Variants in TRIP12 observed in about 807,000 individuals in gnomAD.
TRIP12 encodes E3 ubiquitin-protein ligase TRIP12.
TRIP12 carries 25 observed loss-of-function variants against 244.2 expected under a neutral mutation model. The ratio of observed to expected loss-of-function variants is 0.10; its 90% CI spans 0.07 to 0.14. The LOEUF (loss-of-function observed/expected upper bound fraction) is 0.14, where lower values mean the gene tolerates loss of function less well. TRIP12 is among the 10% of genes least tolerant of loss of function. TRIP12 has a pLI of 1.00. For missense variants in TRIP12, 1,677 were observed against 2,486.4 expected (o/e 0.67, Z 6.92); for synonymous variants, 905 against 873.1 (o/e 1.04, Z -0.64).
intron 8 of TRIP12, among the ~76,000 whole-genome samples, chr2:229,822,873 AAG>A (rs1227325617): frequency 2.0e-5 from 3 of 152,216 alleles, no homozygotes; most frequent in African/African-American, 7.2e-5. Flanking sequence ...GGCATCTATA[AAG>A]AGAATCAAAA....
chr2:229,913,428 C>G (rs1343913613), intron 1 of TRIP12, among the ~76,000 whole-genome samples: 2 of 152,156 alleles, frequency 1.3e-5, no homozygotes, highest in Non-Finnish European at 2.9e-5. Flanking sequence ...TATATTCTGT[C>G]AAGCACAATT....
Position 229,792,717 on chromosome 2 carries a change from T to C in TRIP12, c.4141+256A>G, listed in dbSNP as rs554712867. ...TATGAAGCAGAAAGGTCTAAGAAAA[T>C]TGCCAAACACAAAATGTCATTTCTA... On this transcript the variant is annotated intron_variant, in intron 27 of 41. Coordinates refer to ENST00000675903, the MANE Select transcript of TRIP12 (RefSeq NM_001348323.3). Among the ~76,000 whole-genome samples, 11 of 152,208 alleles carry C rather than the reference T, an allele frequency of 7.2e-5. No homozygotes were observed. The South Asian group carries it at 2.3e-3, about 32-fold the overall frequency.
At chr2:229,781,697 T>G (rs2038221653) in intron 34 of TRIP12, among the ~76,000 whole-genome samples, 1 of 152,236 alleles carries the variant, frequency 6.6e-6, no homozygotes, top group Non-Finnish European at 1.5e-5. Context: ...GAGCCCACAC[T>G]GTGACCTGAC....
At chr2:229,882,902 G>A (rs2065175009) in intron 1 of TRIP12, among the ~76,000 whole-genome samples, 1 of 152,198 alleles carries the variant, frequency 6.6e-6, no homozygotes, top group African/African-American at 2.4e-5. Flanking sequence ...TAATTCTTGA[G>A]ATATAAGAGG....
intron 1 of TRIP12, among the ~76,000 whole-genome samples, chr2:229,915,260 A>C (rs2075160580): frequency 1.3e-5 from 2 of 152,266 alleles, no homozygotes; most frequent in South Asian, 4.1e-4. Flanking sequence ...CTCAAAAAAA[A>C]AACTTATTTA....
rs758623831 is a variant in TRIP12 at position 229,767,790 on chromosome 2, T to TA, written c.6008-41dup. 7 of 1,570,346 alleles carry TA rather than the reference T, an allele frequency of 4.5e-6. No homozygotes were observed. In the Admixed American group the frequency reaches 9.5e-5, roughly 21 times the overall value. The stretch of plus-strand genomic sequence containing the variant: ...AAGAAAGACAAGGAACTTAAGTTTT[T>TA]AAAAAACATCAGCTATCAGAAAACA... On this transcript the variant is annotated intron_variant, in intron 41 of 41. Transcript: ENST00000675903.
At chr2:229,895,482 CCTAA>C (rs1056689564) in intron 1 of TRIP12, among the ~76,000 whole-genome samples, 34 of 150,036 alleles carry the variant, frequency 2.3e-4, no homozygotes, top group African/African-American at 7.4e-4. Flanking sequence ...ATGCAAGGGA[CCTAA>C]CTGAGCTCAA....
intron 1 of TRIP12, among the ~76,000 whole-genome samples, chr2:229,888,864 T>TA (rs1338600484): frequency 6.0e-5 from 9 of 150,460 alleles, no homozygotes; most frequent in Non-Finnish European, 1.0e-4. Context: ...AAGGAGAGGG[T>TA]ATAAGGTAAG....
rs1281972863 is a variant in TRIP12, at chr2:229,830,830, G to C, written c.1280C>G (p.Ser427Cys). The change falls in exon 7 of 42, where the codon TCT (serine) becomes TGT (cysteine). Residue 427 changes from serine to cysteine, a missense_variant. Coordinates refer to ENST00000675903, the MANE Select transcript of TRIP12 (RefSeq NM_001348323.3). ...GGTCATGCCAACAGCCCCTGCAACA[G>C]AACTAGAGGCTTGGGGTGGAGGGGA... ...EAPQGAAASS[S>C]VAGAVGMTTS... 1 of 1,613,968 alleles carries C rather than the reference G, an allele frequency of 6.2e-7. No homozygotes were observed. The highest frequency in any genetic ancestry group is 1.3e-5 in the African/African-American group (1 of 74,912).
intron 2 of TRIP12, among the ~76,000 whole-genome samples, chr2:229,876,852 A>G (rs1262910335): frequency 6.6e-6 from 1 of 151,966 alleles, no homozygotes; most frequent in Non-Finnish European, 1.5e-5. Context: ...TAGAAACAGA[A>G]AACTTCTACA....
Position 229,815,092 on chromosome 2 carries a change from G to A in TRIP12, c.1731+7C>T, listed in dbSNP as rs115233676. 1,856 of 1,604,268 alleles carry A rather than the reference G, an allele frequency of 1.2e-3. 15 individuals carry two copies. In the African/African-American group the frequency reaches 0.02, roughly 18 times the overall value. On this transcript the variant is annotated splice_region_variant and intron_variant, in intron 11 of 41. Coordinates refer to ENST00000675903, the MANE Select transcript of TRIP12 (RefSeq NM_001348323.3). Reference sequence around the variant, plus strand: ...CTTTTGAACAAACGGGGTAAAAGTAGGATCACCTTTTCTAAAAAGACAGGA... The same window carrying A: ...CTTTTGAACAAACGGGGTAAAAGTAAGATCACCTTTTCTAAAAAGACAGGA...
chr2:229,783,162 T>A (rs1317768921), intron 34 of TRIP12, among the ~76,000 whole-genome samples: 3 of 152,236 alleles, frequency 2.0e-5, no homozygotes, highest in African/African-American at 7.2e-5. Context: ...ATAACTTGTA[T>A]CAATTTTAAG....
intron 1 of TRIP12, among the ~76,000 whole-genome samples, chr2:229,904,416 C>CAA (rs34224407): frequency 0.092 from 7,681 of 83,058 alleles, 530 homozygotes; most frequent in African/African-American, 0.26. Flanking sequence ...ACTCCATCTC[C>CAA]AAAAAAAAAA....
chr2:229,861,648 A>C (rs1165374652), intron 2 of TRIP12, among the ~76,000 whole-genome samples: 1 of 152,214 alleles, frequency 6.6e-6, no homozygotes. Flanking sequence ...ATTTCTTAAG[A>C]TATCATACAA....
Position 229,855,362 on chromosome 2 carries a change from G to A in TRIP12, c.1027+3410C>T, listed in dbSNP as rs527507480. Among the ~76,000 whole-genome samples, 6 of 152,174 alleles carry A rather than the reference G, an allele frequency of 3.9e-5. No individual in the cohort carries two copies. The South Asian group carries it at 1.0e-3, about 26-fold the overall frequency. ...CATGTAAGGTATTCAGAACTGTCAG[G>A]CACTTAAAAGCACAGTAAATACATG... is the stretch of plus-strand genomic sequence containing the variant. On this transcript the variant is annotated intron_variant, in intron 4 of 41. Transcript: ENST00000675903.
Position 229,785,814 on chromosome 2 carries a change from A to C in TRIP12, c.5037T>G (p.Ser1679=), listed in dbSNP as rs574205804. The C allele has an allele frequency of 6.2e-7, 1 of 1,613,836 alleles. No homozygotes were observed. The highest frequency in any genetic ancestry group is 1.1e-5 in the South Asian group (1 of 91,038). Residue 1679 remains serine (S), a synonymous_variant, in exon 34 of 42, where the codon TCT becomes TCG. Coordinates refer to ENST00000675903, the MANE Select transcript of TRIP12 (RefSeq NM_001348323.3). Reference sequence around the variant, plus strand: ...GTGAGCTGCCGAGGTCCTGCATCACAGACTCCGCCTGTTTCAGCAGCTCCT... The same window carrying C: ...GTGAGCTGCCGAGGTCCTGCATCACCGACTCCGCCTGTTTCAGCAGCTCCT... ...NREELLKQAE[S]VMQDLGSSRA... is the part of the protein sequence containing the mutation.
At position 229,840,876 on chromosome 2, in the gene TRIP12, G is replaced by C; in HGVS notation, c.1079C>G (p.Pro360Arg). Residue 360 changes from proline (P) to arginine (R), a missense_variant, in exon 5 of 42, where the codon CCC becomes CGC. By Grantham distance (103) the Pro-to-Arg change is moderately radical. Coordinates refer to ENST00000675903, the MANE Select transcript of TRIP12 (RefSeq NM_001348323.3). ...TTGGCGTGTGCTCCGCCTCAAACTG[G>C]GGAGCTCAGCAGGTGGAGACTCACT... ...KRSESPPAEL[P>R]SLRRSTRQKT... The C allele has an allele frequency of 3.1e-6, 5 of 1,610,662 alleles. No homozygotes were observed. Among genetic ancestry groups the C allele is most frequent in the Non-Finnish European group, 4.2e-6 (5 of 1,179,146 alleles).
chr2:229,864,047 A>AGAGAGAGTGAGT, intron 2 of TRIP12, among the ~76,000 whole-genome samples: 48 of 79,274 alleles, frequency 6.1e-4, no homozygotes, highest in Admixed American at 1.7e-3. Flanking sequence ...AGAGAGAGAG[A>AGAGAGAGTGAGT]GTGTGTGTGT....
intron 21 of TRIP12, among the ~76,000 whole-genome samples, 160 bp from the exon 22 acceptor site, chr2:229,799,543 G>A (rs1444610059): frequency 6.6e-6 from 1 of 152,128 alleles, no homozygotes; most frequent in Non-Finnish European, 1.5e-5. Flanking sequence ...TTGGGAGGCC[G>A]AGGCGGGCAG....
Sources: allele counts gnomAD v4.1 joint callset (sites outside exome capture counted in the v4.1 genomes callset), GRCh38; gene constraint gnomAD v4.1.1; transcripts MANE v1.5; gene names NCBI Gene and HGNC (gene_info 2026-07-23, HGNC 2026-07-21).